The following SPACA7 variants were observed in gnomAD, a reference collection of about 807,000 sequenced individuals.
The protein encoded by SPACA7 is sperm acrosome associated 7.
Under a neutral mutation model 26.3 loss-of-function variants are expected in SPACA7, and 19 were observed. The ratio of observed to expected loss-of-function variants is 0.72; its 90% confidence interval spans 0.50 to 1.06. SPACA7 has a LOEUF of 1.06. SPACA7 is among the 50% of genes least tolerant of loss of function. The pLI is 0.00. For missense variants in SPACA7, 211 were observed against 229.9 expected (o/e 0.92, Z 0.53); for synonymous variants, 84 against 84.5 (o/e 0.99, Z 0.04).
intron 1 of SPACA7, among the ~76,000 whole-genome samples, chr13:112,380,996 G>A (rs1884022890): frequency 6.6e-6 from 1 of 152,074 alleles, no homozygotes; most frequent in South Asian, 2.1e-4. Context: ...ATTTTTCAAG[G>A]TGGCAAAAAC....
chr13:112,383,402 C>A (rs1243552994), intron 1 of SPACA7, among the ~76,000 whole-genome samples: 8 of 152,100 alleles, frequency 5.3e-5, no homozygotes, highest in Admixed American at 5.2e-4. Flanking sequence ...AAAAACAAAT[C>A]ATGATAGAAA....
chr13:112,430,934 T>C (rs991036164), intron 5 of SPACA7, among the ~76,000 whole-genome samples: 1 of 152,198 alleles, frequency 6.6e-6, no homozygotes, highest in Non-Finnish European at 1.5e-5. Context: ...GAATCTTCTC[T>C]AAAAAAACTC....
intron 1 of SPACA7, among the ~76,000 whole-genome samples, chr13:112,383,086 GAAA>G (rs1884211945): frequency 2.3e-5 from 2 of 86,124 alleles, no homozygotes; most frequent in African/African-American, 8.4e-5. Flanking sequence ...GAAAGAAAAA[GAAA>G]GAAAGAAAGA....
chr13:112,392,952 C>G (rs1884988432), intron 1 of SPACA7, 69 bp from the exon 2 acceptor site: 9 of 1,398,384 alleles, frequency 6.4e-6, no homozygotes, highest in Non-Finnish European at 8.0e-6. Flanking sequence ...AAAACCATAT[C>G]CATTTAAAGA....
chr13:112,398,344 G>C (rs1406264230), intron 3 of SPACA7, among the ~76,000 whole-genome samples: 1 of 151,856 alleles, frequency 6.6e-6, no homozygotes, highest in Non-Finnish European at 1.5e-5. Context: ...TAGACTGGCA[G>C]GGTTAATTCC....
chr13:112,425,643 A>G (rs1313842186), intron 5 of SPACA7, among the ~76,000 whole-genome samples: 1 of 84,504 alleles, frequency 1.2e-5, no homozygotes, highest in Non-Finnish European at 2.5e-5. Context: ...AGAGAGAGAC[A>G]GAGAGAGAGA....
chr13:112,431,181 G>C (rs1296936110), intron 5 of SPACA7, among the ~76,000 whole-genome samples: 1 of 152,202 alleles, frequency 6.6e-6, no homozygotes, highest in Non-Finnish European at 1.5e-5. Flanking sequence ...GAATAATTTA[G>C]ATAAATGTTT....
rs1885821664 is a variant in SPACA7, at chr13:112,404,088, TATTTTTTG to T, written c.445+2936_445+2943del. Among the ~76,000 whole-genome samples the T allele has an allele frequency of 2.6e-5, 4 of 152,188 alleles. No homozygotes were observed. The South Asian group carries it at 8.3e-4, about 32-fold the overall frequency. ...TTACCACATCCACATCACCATCTAT[TATTTTTTG>T]ATTTTTTGATTATGGCCACTCTTGC... On this transcript the variant is annotated intron_variant, in intron 5 of 6. Transcript: ENST00000283550.
intron 5 of SPACA7, among the ~76,000 whole-genome samples, chr13:112,414,710 C>T (rs182691246): frequency 6.6e-6 from 1 of 152,110 alleles, no homozygotes; most frequent in South Asian, 2.1e-4. Context: ...CCGTGCCCAA[C>T]CTTTTCTGTG....
At chr13:112,424,581 G>C (rs1435776675) in intron 5 of SPACA7, among the ~76,000 whole-genome samples, 1 of 152,110 alleles carries the variant, frequency 6.6e-6, no homozygotes, top group Non-Finnish European at 1.5e-5. Flanking sequence ...CATGGCACAG[G>C]GTTAAAGAAA....
At chr13:112,383,157 GAAAGAAAGAAAGAAAGAAAGAA>G (rs1566453429) in intron 1 of SPACA7, among the ~76,000 whole-genome samples, 1 of 119,474 alleles carries the variant, frequency 8.4e-6, no homozygotes, top group Non-Finnish European at 1.7e-5. Context: ...AAGAAAGAAA[GAAAGAAAGAAAGAAAGAAAGAA>G]AGAAAGAAAG....
In SPACA7 at chr13:112,417,832, T is replaced by TA. The variant is rs148631486; in HGVS notation, c.446-14612_446-14611insA. ...CCATTGCTGATCAATAAATGTTGCA[T>TA]GGAGTGAATGTAGGGCAGGAACAGA... On this transcript the variant is annotated intron_variant, in intron 5 of 6. Transcript: ENST00000283550. 3.3e-3 allele frequency among the ~76,000 whole-genome samples: 507 copies of TA among 152,334 alleles called. 1 individual carries two copies. Among genetic ancestry groups the TA allele is most frequent in the African/African-American group, 0.012 (500 of 41,588 alleles).
chr13:112,419,950 C>A lies in SPACA7; in HGVS notation c.446-12494C>A, dbSNP rs564607009. Among the ~76,000 whole-genome samples, 15 of 152,280 alleles carry A rather than the reference C, an allele frequency of 9.9e-5. No individual in the cohort carries two copies. In the South Asian group the frequency reaches 2.9e-3, roughly 29 times the overall value. On this transcript the variant is annotated intron_variant, in intron 5 of 6. Coordinates refer to ENST00000283550, the MANE Select transcript of SPACA7 (RefSeq NM_145248.5). ...ATAGAAACACTACGAAAGTCTCTGG[C>A]CCCCTAGCTCATACTGTGAACACAA...
chr13:112,430,241 G>A (rs1876964622), intron 5 of SPACA7, among the ~76,000 whole-genome samples: 1 of 148,396 alleles, frequency 6.7e-6, no homozygotes, highest in Admixed American at 6.8e-5. Context: ...TAGCTACTGT[G>A]ACTTCTCCAA....
rs1428832519 is a variant in SPACA7 at position 112,432,462 on chromosome 13, CT to C, written c.465del (p.Gln156SerfsTer55). 3.1e-6 allele frequency: 5 copies of C among 1,609,942 alleles called. No homozygotes were observed. The highest frequency in any genetic ancestry group is 1.7e-5 in the Admixed American group (1 of 59,988). The stretch of plus-strand genomic sequence containing the variant: ...CCCACAGAAAAGAATTCAAAGAACA[CT>C]CAGTATGAAAATCTATCCATTCTGG... The part of the protein sequence containing the change: ...VSSKEKNSKN[T>X]QYENLSILDQ... On this transcript the variant is annotated frameshift_variant, in exon 6 of 7. Transcript: ENST00000283550. LOFTEE classifies it high-confidence loss of function.
At position 112,434,637 on chromosome 13, in the gene SPACA7, C is replaced by A; in HGVS notation, c.*88C>A. Reference sequence around the variant, plus strand: ...CCGGAACAGGGCACTTGTGTGCACACGCCCACGTTCTCTGAACCATTCCAC... The same window carrying A: ...CCGGAACAGGGCACTTGTGTGCACAAGCCCACGTTCTCTGAACCATTCCAC... On this transcript the variant is annotated 3_prime_UTR_variant, in exon 7 of 7. Coordinates refer to ENST00000283550, the MANE Select transcript of SPACA7 (RefSeq NM_145248.5). The A allele has an allele frequency of 1.9e-6, 2 of 1,031,636 alleles. No homozygotes were observed. The highest frequency in any genetic ancestry group is 1.4e-5 in the South Asian group (1 of 73,116). The allele number at this position is 1,031,636 out of a possible 1,614,324, so 63.9% of individuals were successfully genotyped here.
At chr13:112,431,843 A>C (rs1394252568) in intron 5 of SPACA7, among the ~76,000 whole-genome samples, 2 of 152,140 alleles carry the variant, frequency 1.3e-5, no homozygotes, top group Non-Finnish European at 2.9e-5. Flanking sequence ...GGCTGTTCCA[A>C]AGGGAGCCTC....
chr13:112,426,439 C>CA (rs1876542552), intron 5 of SPACA7, among the ~76,000 whole-genome samples: 1 of 152,182 alleles, frequency 6.6e-6, no homozygotes. Context: ...TTAATGTCTA[C>CA]AAAAAATTCT....
intron 2 of SPACA7, among the ~76,000 whole-genome samples, chr13:112,396,161 C>T (rs1210049043): frequency 3.5e-5 from 5 of 142,776 alleles, no homozygotes; most frequent in South Asian, 2.2e-4. Flanking sequence ...AGGCCACTCC[C>T]GGCTTCGGGC....
Sources: allele counts gnomAD v4.1 joint callset (sites outside exome capture counted in the v4.1 genomes callset), GRCh38; gene constraint gnomAD v4.1.1; transcripts MANE v1.5; gene names NCBI Gene and HGNC (gene_info 2026-07-23, HGNC 2026-07-21).